The following SQSTM1 variants were observed in gnomAD, a reference collection of about 807,000 sequenced individuals.
SQSTM1 encodes sequestosome 1.
In SQSTM1, 36 loss-of-function variants were observed where a neutral mutation model predicts 45.1. The ratio of observed to expected loss-of-function variants is 0.80; its 90% CI spans 0.61 to 1.05. The LOEUF is 1.05. Ranked by LOEUF, SQSTM1 falls within the 50% of genes least tolerant of loss-of-function variation. The probability of loss-of-function intolerance (pLI) is 0.00; values close to 1 mark genes in which losing one functional copy is unlikely to be tolerated. For synonymous variants in SQSTM1, 290 were observed against 244.3 expected, an observed-to-expected ratio of 1.19 and a Z score of -1.74; for missense variants, 617 against 607.1, an observed-to-expected ratio of 1.02 and a Z score of -0.17.
chr5:179,823,132 A>G, intron 2 of SQSTM1, 79 bp downstream of exon 2: 1 of 1,330,314 alleles, frequency 7.5e-7, no homozygotes, highest in Non-Finnish European at 1.1e-6. Flanking sequence ...ACAGGGCTCG[A>G]TGTTCCACCA....
rs1476189226 is a variant in SQSTM1, at chr5:179,820,928, C to G, written c.-9C>G. ...GGACGGCCCGTTTTCCGCCAGCTCG[C>G]CGCTCGCTATGGCGTCGCTCACCGT... is the stretch of plus-strand genomic sequence containing the variant. On this transcript the variant is annotated 5_prime_UTR_variant, in exon 1 of 8. Coordinates refer to ENST00000389805, the MANE Select transcript of SQSTM1 (RefSeq NM_003900.5). 6.5e-7 allele frequency: 1 copy of G among 1,531,264 alleles called. No homozygotes were observed. The highest frequency in any genetic ancestry group is 8.8e-7 in the Non-Finnish European group (1 of 1,141,842). 94.9% of individuals were successfully genotyped at this position (1,531,264 alleles called of 1,614,324 possible). A position where few individuals can be genotyped will look rare whatever the true frequency, so the allele number is the denominator to read the frequency against.
chr5:179,834,807 C>T (rs1259469529), intron 7 of SQSTM1, among the ~76,000 whole-genome samples: 1 of 152,242 alleles, frequency 6.6e-6, no homozygotes, highest in Non-Finnish European at 1.5e-5. Context: ...CTACTTCTTT[C>T]CACACAGACA....
At chr5:179,825,866 G>T (rs1365182963) in intron 5 of SQSTM1, among the ~76,000 whole-genome samples, 1 of 152,148 alleles carries the variant, frequency 6.6e-6, no homozygotes, top group Non-Finnish European at 1.5e-5. Flanking sequence ...CTGGCTAAGG[G>T]TCTCGGGTGG....
intron 5 of SQSTM1, among the ~76,000 whole-genome samples, chr5:179,829,300 C>A (rs1374124944): frequency 6.6e-6 from 1 of 152,132 alleles, no homozygotes; most frequent in Non-Finnish European, 1.5e-5. Context: ...AGGTTGAATG[C>A]CCCCAGAGAA....
chr5:179,813,165 T>G (rs1487380275), intron 2 of SQSTM1: 9 of 152,274 alleles, frequency 5.9e-5, no homozygotes, highest in Admixed American at 2.0e-4. Context: ...GTTCTGTATA[T>G]TCACCATGTA....
chr5:179,812,683 G>A (rs1048048971), intron 2 of SQSTM1: 5 of 152,366 alleles, frequency 3.3e-5, no homozygotes, highest in Admixed American at 6.5e-5. Flanking sequence ...GCTCGCAGCA[G>A]TGCTCCCGTA....
At chr5:179,812,699 G>A (rs1757464517) in intron 2 of SQSTM1, 1 of 152,368 alleles carries the variant, frequency 6.6e-6, no homozygotes, top group South Asian at 2.1e-4. Flanking sequence ...CCGTAGAGCT[G>A]ATGGCATTGG....
In SQSTM1 at chr5:179,836,767, C is replaced by G. The variant is rs1758580928; in HGVS notation, c.*174C>G. On this transcript the variant is annotated 3_prime_UTR_variant, in exon 8 of 8. Coordinates refer to ENST00000389805, the MANE Select transcript of SQSTM1 (RefSeq NM_003900.5). ...AACAAGTGACATGAAGGGAGGGTCC[C>G]TGTGTGTGTGTGTGCTGATGTTTCC... is the stretch of plus-strand genomic sequence containing the variant. The G allele has an allele frequency of 1.1e-6, 1 of 944,844 alleles. No individual in the cohort carries two copies. The highest frequency in any genetic ancestry group is 1.7e-6 in the Non-Finnish European group (1 of 604,746). 58.5% of individuals were successfully genotyped at this position (944,844 alleles called of 1,614,324 possible). A position where few individuals can be genotyped will look rare whatever the true frequency, so the allele number is the denominator to read the frequency against.
Position 179,824,333 on chromosome 5 carries a change from G to C in SQSTM1, c.673+10G>C, listed in dbSNP as rs753023157. The C allele has an allele frequency of 1.9e-5, 30 of 1,613,308 alleles. No homozygotes were observed. In the East Asian group the frequency reaches 4.0e-4, roughly 22 times the overall value. On this transcript the variant is annotated intron_variant, in intron 4 of 7. Coordinates refer to ENST00000389805, the MANE Select transcript of SQSTM1 (RefSeq NM_003900.5). ...CCCACGGCAGAATCAGGTGAGGCTT[G>C]TGTTGGAACCTGCTTCTGATTGGTG...
chr5:179,823,110 G>GGGAA, intron 2 of SQSTM1, 57 bp downstream of exon 2: 1 of 1,503,980 alleles, frequency 6.6e-7, no homozygotes, highest in Non-Finnish European at 9.2e-7. Context: ...TCAGTTCCCT[G>GGGAA]CTGAGTAAAA....
At chr5:179,809,155 CTTTTTT>C (rs148749058) in intron 1 of SQSTM1, among the ~76,000 whole-genome samples, 2 of 100,234 alleles carry the variant, frequency 2.0e-5, no homozygotes, top group African/African-American at 3.9e-5. Flanking sequence ...CCACCCCGGC[CTTTTTT>C]TTTTTTTTTT....
Position 179,823,065 on chromosome 5 carries a change from C to T in SQSTM1, c.301+12C>T, listed in dbSNP as rs141530539. ...AATCTACATTAAAGGTAAGGGGCTG[C>T]TCTGGGGGCTGCCTGAAGCCAGCTC... On this transcript the variant is annotated intron_variant, in intron 2 of 7. Transcript: ENST00000389805. The T allele has an allele frequency of 2.5e-6, 4 of 1,611,906 alleles. No homozygotes were observed. The highest frequency in any genetic ancestry group is 2.2e-5 in the East Asian group (1 of 44,860).
chr5:179,836,622 C>T lies in SQSTM1; in HGVS notation c.*29C>T. Reference sequence around the variant, plus strand: ...CTTTTGCCCACCTCTTCTGCGTGCCCCTCTTCTGTCTCATAGTTGTGTTAA... The same window carrying T: ...CTTTTGCCCACCTCTTCTGCGTGCCTCTCTTCTGTCTCATAGTTGTGTTAA... On this transcript the variant is annotated 3_prime_UTR_variant, in exon 8 of 8. Coordinates refer to ENST00000389805, the MANE Select transcript of SQSTM1 (RefSeq NM_003900.5). The T allele has an allele frequency of 1.9e-6, 3 of 1,612,380 alleles. No individual in the cohort carries two copies. The highest frequency in any genetic ancestry group is 1.7e-5 in the Admixed American group (1 of 59,966).
intron 6 of SQSTM1, 149 bp from the exon 7 acceptor site, chr5:179,833,434 CTTTG>C: frequency 1.0e-6 from 1 of 989,580 alleles, no homozygotes; most frequent in South Asian, 1.4e-5. Context: ...GTTACTTGGT[CTTTG>C]TGAGTGGCCA....
At chr5:179,823,177 C>A in intron 2 of SQSTM1, 124 bp downstream of exon 2, 1 of 924,936 alleles carries the variant, frequency 1.1e-6, no homozygotes, top group Non-Finnish European at 1.7e-6. Context: ...CTGTTTAAGA[C>A]AGAGACATAG....
intron 2 of SQSTM1, 82 bp from the exon 3 acceptor site, chr5:179,823,776 G>T: frequency 6.8e-7 from 1 of 1,479,406 alleles, no homozygotes; most frequent in South Asian, 1.1e-5. Context: ...GGCCTTGCTG[G>T]CAGTGACAGC....
In SQSTM1 at chr5:179,832,929, G is replaced by A. The variant is rs190396941; in HGVS notation, c.755-103G>A. ...ACTTAGCTGCTTGTGGGGACTGAAC[G>A]TTGAGATCTTCGTGAGTCTGTAGTC... On this transcript the variant is annotated intron_variant, in intron 5 of 7. Transcript: ENST00000389805. 289 of 1,191,024 alleles carry A rather than the reference G, an allele frequency of 2.4e-4. 1 individual carries two copies. The African/African-American group carries it at 3.5e-3, about 14-fold the overall frequency. 73.8% of individuals were successfully genotyped at this position (1,191,024 alleles called of 1,614,324 possible).
intron 5 of SQSTM1, among the ~76,000 whole-genome samples, chr5:179,826,096 T>G (rs2113493316): frequency 6.6e-6 from 1 of 151,760 alleles, no homozygotes; most frequent in South Asian, 2.1e-4. Context: ...AGGAGGGGCG[T>G]CCGAACCATG....
Position 179,833,147 on chromosome 5 carries a change from C to T in SQSTM1, c.870C>T (p.Cys290=). The T allele has an allele frequency of 2.5e-6, 4 of 1,614,204 alleles. No individual in the cohort carries two copies. The highest frequency in any genetic ancestry group is 3.4e-6 in the Non-Finnish European group (4 of 1,180,022). ...GCAGCTCACAGCCAAGCAGCTGCTG[C>T]TCTGACCCCAGCAAGCCGGGTGGGA... is the stretch of plus-strand genomic sequence containing the variant. ...EKSSSQPSSC[C]SDPSKPGGNV... Residue 290 remains cysteine, a synonymous_variant, in exon 6 of 8, where the codon TGC becomes TGT. Transcript: ENST00000389805.
Sources: gnomAD v4.1 joint callset for allele counts (sites outside exome capture counted in the v4.1 genomes callset) on GRCh38, gnomAD v4.1.1 for gene constraint, MANE v1.5 for transcripts, NCBI Gene and HGNC (gene_info 2026-07-23, HGNC 2026-07-21) for gene names.